Variants in KCNE3 observed in about 807,000 individuals in gnomAD.
KCNE3 encodes the protein potassium voltage-gated channel subfamily E regulatory subunit 3.
A neutral mutation model predicts 4.3 loss-of-function variants in KCNE3; 2 were observed. The observed-to-expected ratio is 0.47, with a 90% CI of 0.19 to 1.48. The LOEUF (loss-of-function observed/expected upper bound fraction) is 1.48. KCNE3 is among the 40% of genes most tolerant of loss of function. The pLI is 0.25. For missense variants in KCNE3, 128 were observed against 136.8 expected, an observed-to-expected ratio of 0.94 and a Z score of 0.32; for synonymous variants, 47 against 52.0, an observed-to-expected ratio of 0.90 and a Z score of 0.41.
chr11:74,457,513 C>G lies in KCNE3; in HGVS notation c.51G>C (p.Val17=). 6.2e-7 allele frequency: 1 copy of G among 1,614,172 alleles called. No homozygotes were observed. The highest frequency in any genetic ancestry group is 8.5e-7 in the Non-Finnish European group (1 of 1,180,014). ...GAAGAGTGGCATTTAGAGCCTTCAG[C>G]ACGGCATGCAGGCTCTCATACCAGG... The part of the protein sequence containing the change: ...TETWYESLHA[V]LKALNATLHS... The change falls in exon 3 of 3, where the codon GTG becomes GTC. Residue 17 remains valine, a synonymous_variant. Transcript: ENST00000310128.
chr11:74,466,367 A>C (rs1399556684), intron 1 of KCNE3, among the ~76,000 whole-genome samples: 1 of 152,238 alleles, frequency 6.6e-6, no homozygotes, highest in African/African-American at 2.4e-5. Context: ...CAAGGAGTCA[A>C]GAAAATCTGA....
chr11:74,458,821 G>A (rs111572702), intron 2 of KCNE3, among the ~76,000 whole-genome samples: 7,243 of 151,168 alleles, frequency 0.048, 534 homozygotes, highest in African/African-American at 0.16. Context: ...GCCACAGAGC[G>A]TGACTTTGTC....
At chr11:74,459,259 AT>A (rs35194568) in intron 2 of KCNE3, among the ~76,000 whole-genome samples, 1,663 of 117,514 alleles carry the variant, frequency 0.014, 13 homozygotes, top group African/African-American at 0.048. Context: ...TATAGAAAAC[AT>A]TTTTTTTTTT....
chr11:74,461,292 TTGTG>T (rs4018948), intron 2 of KCNE3, among the ~76,000 whole-genome samples: 4,516 of 148,404 alleles, frequency 0.03, 152 homozygotes, highest in African/African-American at 0.086. Context: ...TTTTTATGTT[TTGTG>T]TGTGTGTGTG....
rs776896849 is a variant in KCNE3 at position 74,457,521 on chromosome 11, G to A, written c.43C>T (p.His15Tyr). 2 of 1,614,228 alleles carry A rather than the reference G, an allele frequency of 1.2e-6. No individual in the cohort carries two copies. Among genetic ancestry groups the A allele is most frequent in the Non-Finnish European group, 1.7e-6 (2 of 1,180,048 alleles). The change falls in exon 3 of 3, where the codon CAT (histidine) becomes TAT (tyrosine). Residue 15 changes from histidine (H) to tyrosine (Y), a missense_variant. Physicochemically the swap from His to Tyr is moderately conservative, Grantham distance 83. Coordinates refer to ENST00000310128, the MANE Select transcript of KCNE3 (RefSeq NM_005472.5). ...GCATTTAGAGCCTTCAGCACGGCAT[G>A]CAGGCTCTCATACCAGGTCTCCGTT... Reference protein sequence around the residue: ...NGTETWYESLHAVLKALNATL... With the variant: ...NGTETWYESLYAVLKALNATL...
chr11:74,460,649 T>C (rs1394262883), intron 2 of KCNE3, among the ~76,000 whole-genome samples: 1 of 152,108 alleles, frequency 6.6e-6, no homozygotes, highest in Non-Finnish European at 1.5e-5. Context: ...ATAAAGAGGT[T>C]GGAGTGTAAG....
rs548528172 is a variant in KCNE3 at position 74,466,435 on chromosome 11, C to T, written c.-190+963G>A. ...CTCCATCAGGAACAGACAAAGTGGA[C>T]GGATGCAAGGAAATAAGGAGGAGCT... is the stretch of plus-strand genomic sequence containing the variant. On this transcript the variant is annotated intron_variant, in intron 1 of 2. Coordinates refer to ENST00000310128, the MANE Select transcript of KCNE3 (RefSeq NM_005472.5). 2.4e-4 allele frequency among the ~76,000 whole-genome samples: 36 copies of T among 152,240 alleles called. 1 individual carries two copies. Among genetic ancestry groups the T allele is most frequent in the South Asian group, 1.5e-3 (7 of 4,822 alleles).
intron 1 of KCNE3, chr11:74,462,707 T>C (rs1000414645): frequency 1.2e-4 from 19 of 152,350 alleles, no homozygotes; most frequent in African/African-American, 4.6e-4. Context: ...AGAGCAAGGC[T>C]GGAAGGGCCT....
At chr11:74,466,972 G>A (rs943711812) in intron 1 of KCNE3, among the ~76,000 whole-genome samples, 7 of 152,238 alleles carry the variant, frequency 4.6e-5, no homozygotes, top group African/African-American at 1.7e-4. Flanking sequence ...GAATGGGCAA[G>A]TCAGCTCCGC....
chr11:74,459,541 C>T (rs539871650), intron 2 of KCNE3, among the ~76,000 whole-genome samples: 10 of 152,148 alleles, frequency 6.6e-5, no homozygotes, highest in East Asian at 1.9e-4. Context: ...GGATTACAGG[C>T]GCCCAGCCAG....
At chr11:74,464,887 C>T (rs982565779) in intron 1 of KCNE3, among the ~76,000 whole-genome samples, 3 of 152,206 alleles carry the variant, frequency 2.0e-5, no homozygotes, top group Non-Finnish European at 2.9e-5. Flanking sequence ...CTTGCCTTTG[C>T]TCATGCTGTT....
chr11:74,463,073 C>G (rs189883332), intron 1 of KCNE3, among the ~76,000 whole-genome samples: 1 of 152,108 alleles, frequency 6.6e-6, no homozygotes, highest in African/African-American at 2.4e-5. Context: ...TCTAATATCC[C>G]AGTCGAGCCA....
Position 74,457,383 on chromosome 11 carries a change from T to G in KCNE3, c.181A>C (p.Ile61Leu), listed in dbSNP as rs777664556. ...GCAAATAGAAACATGACAAAGAGAATGTACATGTAGGAGTTGTCATCACGG... is the reference window on the plus strand; with the variant it reads ...GCAAATAGAAACATGACAAAGAGAAGGTACATGTAGGAGTTGTCATCACGG... ...PGRDDNSYMY[I>L]LFVMFLFAVT... is the part of the protein sequence containing the mutation. The change falls in exon 3 of 3, where the codon ATT (isoleucine) becomes CTT (leucine). Residue 61 changes from isoleucine (I) to leucine (L), a missense_variant. By Grantham distance (5) the Ile-to-Leu change is conservative. Coordinates refer to ENST00000310128, the MANE Select transcript of KCNE3 (RefSeq NM_005472.5). The G allele has an allele frequency of 6.2e-7, 1 of 1,614,140 alleles. No individual in the cohort carries two copies. The highest frequency in any genetic ancestry group is 2.2e-5 in the East Asian group (1 of 44,882).
chr11:74,463,635 G>A (rs1001232625), intron 1 of KCNE3, among the ~76,000 whole-genome samples: 1 of 152,108 alleles, frequency 6.6e-6, no homozygotes, highest in African/African-American at 2.4e-5. Context: ...AGGAAGGTGA[G>A]CAGATGGCCA....
Position 74,456,796 on chromosome 11 carries a change from G to T in KCNE3, c.*456C>A, listed in dbSNP as rs1339189921. ...TTGCCCTGCTTTCTTCACGGGAGCG[G>T]GGGCAGGGTGGTGGTGGTAAATCAT... On this transcript the variant is annotated 3_prime_UTR_variant, in exon 3 of 3. Transcript: ENST00000310128. 1 of 222,322 alleles carries T rather than the reference G, an allele frequency of 4.5e-6. No individual in the cohort carries two copies. The highest frequency in any genetic ancestry group is 9.1e-6 in the Non-Finnish European group (1 of 109,400). The allele number at this position is 222,322 out of a possible 1,614,324, so 13.8% of individuals were successfully genotyped here. A position where few individuals can be genotyped will look rare whatever the true frequency, so the allele number is the denominator to read the frequency against.
intron 1 of KCNE3, among the ~76,000 whole-genome samples, chr11:74,463,446 G>GC (rs569251790): frequency 9.7e-4 from 147 of 152,234 alleles, no homozygotes; most frequent in African/African-American, 3.3e-3. Context: ...CTCTGGGGCT[G>GC]CCTCTGGGGC....
At chr11:74,461,218 G>T (rs533261321) in intron 2 of KCNE3, among the ~76,000 whole-genome samples, 1 of 152,200 alleles carries the variant, frequency 6.6e-6, no homozygotes, top group South Asian at 2.1e-4. Flanking sequence ...GGGATCTGCT[G>T]CACAACAAGG....
At chr11:74,459,542 GC>G (rs1174916168) in intron 2 of KCNE3, among the ~76,000 whole-genome samples, 1 of 151,912 alleles carries the variant, frequency 6.6e-6, no homozygotes, top group Non-Finnish European at 1.5e-5. Flanking sequence ...GATTACAGGC[GC>G]CCAGCCAGAA....
chr11:74,462,533 T>C (rs1863976582), intron 1 of KCNE3, among the ~76,000 whole-genome samples: 2 of 152,218 alleles, frequency 1.3e-5, no homozygotes, highest in Non-Finnish European at 2.9e-5. Context: ...GTTGATATTT[T>C]ACATAGGAAC....
Sources: gnomAD v4.1 joint callset for allele counts (sites outside exome capture counted in the v4.1 genomes callset) on GRCh38, gnomAD v4.1.1 for gene constraint, MANE v1.5 for transcripts, NCBI Gene and HGNC (gene_info 2026-07-23, HGNC 2026-07-21) for gene names.